Variants in MSN observed in about 807,000 individuals in gnomAD.
MSN encodes moesin.
A neutral mutation model predicts 48.0 loss-of-function variants in MSN; 2 were observed. The observed-to-expected ratio is 0.04, with a 90% confidence interval of 0.02 to 0.13. MSN has a LOEUF of 0.13. Among genes scored for constraint, MSN ranks in the 10% least tolerant of loss-of-function variants. The pLI is 1.00. For synonymous variants in MSN, 146 were observed against 166.9 expected (o/e 0.87, Z 0.97); for missense variants, 267 against 470.1 (o/e 0.57, Z 3.99).
chrX:65,675,384 C>T (rs189351595), intron 1 of MSN, among the ~76,000 whole-genome samples: 8 of 110,960 alleles, frequency 7.2e-5, no homozygotes, highest in Admixed American at 1.9e-4. Context: ...GAGCAGTGGC[C>T]GTTCTGGGTG....
At chrX:65,642,048 C>T (rs1000540326) in intron 1 of MSN, among the ~76,000 whole-genome samples, 16 of 102,584 alleles carry the variant, frequency 1.6e-4, no homozygotes, top group African/African-American at 4.6e-4. Context: ...GCAGGAGAAT[C>T]GCTTGAACCT....
intron 1 of MSN, among the ~76,000 whole-genome samples, chrX:65,688,184 T>C (rs2071135105): frequency 8.9e-6 from 1 of 112,304 alleles, no homozygotes. Flanking sequence ...GTTATTACTA[T>C]GTCATTTGAT....
rs1438455127 is a variant in MSN at position 65,739,972 on chromosome X, C to T, written c.*79C>T. On this transcript the variant is annotated 3_prime_UTR_variant, in exon 13 of 13. Transcript: ENST00000360270. ...CTACACCTAACTCACCTAACTCATA[C>T]TGTGCTGGAGCCACTAACTAGAGCA... 22 of 1,070,479 alleles carry T rather than the reference C, an allele frequency of 2.1e-5. No individual in the cohort carries two copies. The highest frequency in any genetic ancestry group is 2.8e-5 in the Non-Finnish European group (22 of 791,333). The allele number at this position is 1,070,479 out of a possible 1,213,427, so 88.2% of individuals were successfully genotyped here.
intron 2 of MSN, among the ~76,000 whole-genome samples, chrX:65,721,349 A>G (rs768333701): frequency 8.0e-5 from 9 of 112,241 alleles, no homozygotes; most frequent in South Asian, 3.7e-4. Context: ...AATGATAATC[A>G]TGCTAATCTC....
intron 1 of MSN, among the ~76,000 whole-genome samples, chrX:65,619,247 G>A (rs1396005369): frequency 2.9e-5 from 3 of 102,820 alleles, no homozygotes; most frequent in East Asian, 2.9e-4. Context: ...GAATCTGAAC[G>A]TTGGCCTGCC....
intron 1 of MSN, among the ~76,000 whole-genome samples, chrX:65,591,710 G>A (rs760393847): frequency 2.8e-4 from 31 of 111,792 alleles, no homozygotes; most frequent in African/African-American, 1.0e-3. Context: ...AGGCTAGCTA[G>A]GCTTCAGCTT....
At chrX:65,705,737 T>C (rs753291840) in intron 1 of MSN, among the ~76,000 whole-genome samples, 2 of 112,082 alleles carry the variant, frequency 1.8e-5, no homozygotes, top group Admixed American at 1.9e-4. Flanking sequence ...TAACTCTCAG[T>C]TTCCAGTGTG....
At chrX:65,637,447 T>C (rs2070614202) in intron 1 of MSN, among the ~76,000 whole-genome samples, 1 of 108,238 alleles carries the variant, frequency 9.2e-6, no homozygotes, top group African/African-American at 3.4e-5. Context: ...AAAGTAAAAC[T>C]CTTTAAGCTT....
At position 65,696,225 on chromosome X, in the gene MSN, TCACACACACACA is replaced by T. The variant is rs111720807; in HGVS notation, c.13-20577_13-20566del. 3.9e-5 allele frequency among the ~76,000 whole-genome samples: 4 copies of T among 102,280 alleles called. No homozygotes were observed. In the South Asian group the frequency reaches 1.2e-3, roughly 32 times the overall value. 88.8% of individuals were successfully genotyped at this position (102,280 alleles called of 115,157 possible). On this transcript the variant is annotated intron_variant, in intron 1 of 12. Transcript: ENST00000360270. ...AAAATGCCCTCACGTGCTTGCTCAT[TCACACACACACA>T]CACACACACACACACGAATTATTTC...
chrX:65,636,301 A>C (rs1443829249), intron 1 of MSN, among the ~76,000 whole-genome samples: 1 of 111,732 alleles, frequency 8.9e-6, no homozygotes, highest in Admixed American at 9.6e-5. Flanking sequence ...GCCCCCACTC[A>C]CCTTTTCAAA....
chrX:65,633,785 C>A (rs1264354766), intron 1 of MSN, among the ~76,000 whole-genome samples: 2 of 112,157 alleles, frequency 1.8e-5, no homozygotes, highest in Non-Finnish European at 3.8e-5. Flanking sequence ...AGGAACCTTT[C>A]TCACACTTGT....
At chrX:65,592,688 A>G (rs990353838) in intron 1 of MSN, among the ~76,000 whole-genome samples, 2 of 111,809 alleles carry the variant, frequency 1.8e-5, no homozygotes, top group Non-Finnish European at 3.8e-5. Flanking sequence ...ATGGACAGGA[A>G]TGAAGAAACT....
At chrX:65,675,376 G>A (rs1402980348) in intron 1 of MSN, among the ~76,000 whole-genome samples, 1 of 111,359 alleles carries the variant, frequency 9.0e-6, no homozygotes, top group Non-Finnish European at 1.9e-5. Flanking sequence ...ACACTTGGGA[G>A]CAGTGGCCGT....
At chrX:65,620,320 C>A (rs1231576541) in intron 1 of MSN, among the ~76,000 whole-genome samples, 1 of 110,295 alleles carries the variant, frequency 9.1e-6, no homozygotes, top group African/African-American at 3.3e-5. Context: ...GCTGCCGCCC[C>A]GCAGCTCCAT....
At chrX:65,645,678 G>A (rs1387860622) in intron 1 of MSN, among the ~76,000 whole-genome samples, 1 of 111,520 alleles carries the variant, frequency 9.0e-6, no homozygotes, top group East Asian at 2.8e-4. Context: ...CTCCAACATA[G>A]AGGAAACGCT....
intron 1 of MSN, among the ~76,000 whole-genome samples, chrX:65,613,865 C>T (rs1002901736): frequency 7.2e-5 from 8 of 111,848 alleles, no homozygotes; most frequent in African/African-American, 2.6e-4. Context: ...TGCAGAAGCT[C>T]GTTAGTTTAA....
chrX:65,667,636 G>C, upstream of MSN: 3 of 1,015,451 alleles, frequency 3.0e-6, no homozygotes, highest in Non-Finnish European at 2.5e-6. Context: ...ATAAAGGAGC[G>C]GGCGGCGCGA....
chrX:65,724,399 C>T (rs1263134220), intron 2 of MSN, among the ~76,000 whole-genome samples: 1 of 111,352 alleles, frequency 9.0e-6, no homozygotes, highest in Non-Finnish European at 1.9e-5. Context: ...CTGTCTTGGC[C>T]TCCCAAAGTG....
intron 2 of MSN, among the ~76,000 whole-genome samples, chrX:65,717,227 C>A (rs1269388203): frequency 8.9e-6 from 1 of 111,994 alleles, no homozygotes; most frequent in African/African-American, 3.2e-5. Context: ...ATGTCTTCTC[C>A]ATTTTAATGA....
Sources: allele counts gnomAD v4.1 joint callset (sites outside exome capture counted in the v4.1 genomes callset), GRCh38; gene constraint gnomAD v4.1.1; transcripts MANE v1.5; gene names NCBI Gene and HGNC (gene_info 2026-07-23, HGNC 2026-07-21).